The following ADGRL3 variants were observed in gnomAD, a reference collection of about 807,000 sequenced individuals.
ADGRL3 encodes adhesion G protein-coupled receptor L3.
A neutral mutation model predicts 153.5 loss-of-function variants in ADGRL3; 62 were observed. The ratio of observed to expected loss-of-function variants is 0.40; its 90% CI spans 0.33 to 0.50. The LOEUF is 0.50. Ranked by LOEUF, ADGRL3 falls within the 20% of genes least tolerant of loss-of-function variation. ADGRL3 has a pLI of 0.47. For synonymous variants in ADGRL3, 710 were observed against 672.5 expected (o/e 1.06, Z -0.86); for missense variants, 1,641 against 1,859.4 (o/e 0.88, Z 2.16).
At chr4:61,861,336 G>A (rs1040870842) in intron 9 of ADGRL3, among the ~76,000 whole-genome samples, 2 of 152,174 alleles carry the variant, frequency 1.3e-5, no homozygotes, top group Non-Finnish European at 2.9e-5. Context: ...ATTGATTTAT[G>A]GTAATACCTG....
rs1745631945 is a variant in ADGRL3 at position 62,071,440 on chromosome 4, A to G, written c.*532A>G. Reference sequence around the variant, plus strand: ...TAGCTGTGGAAAACAAAATAAAACAACAAAATTAATAATGAAATGGAGGGG... The same window carrying G: ...TAGCTGTGGAAAACAAAATAAAACAGCAAAATTAATAATGAAATGGAGGGG... On this transcript the variant is annotated 3_prime_UTR_variant, in exon 27 of 27. Coordinates refer to ENST00000683033, the MANE Select transcript of ADGRL3 (RefSeq NM_001387552.1). The G allele has an allele frequency of 5.8e-6, 1 of 171,130 alleles. No homozygotes were observed. The highest frequency in any genetic ancestry group is 2.4e-5 in the African/African-American group (1 of 41,562). 10.6% of individuals were successfully genotyped at this position (171,130 alleles called of 1,614,324 possible).
At chr4:61,342,799 A>G (rs1012455858) in intron 1 of ADGRL3, among the ~76,000 whole-genome samples, 3 of 152,220 alleles carry the variant, frequency 2.0e-5, no homozygotes, top group Non-Finnish European at 2.9e-5. Context: ...TGGCTTAACC[A>G]TCTCTAGTAG....
rs143220387 is a variant in ADGRL3, at chr4:61,822,052, G to A, written c.1480+8163G>A. ...GCAGGCCAGTTCTCTAATATTCTAC[G>A]ATGATGCTTTTCTAACTTATCTGAT... On this transcript the variant is annotated intron_variant, in intron 9 of 26. Transcript: ENST00000683033. Among the ~76,000 whole-genome samples the A allele has an allele frequency of 6.0e-3, 920 of 152,230 alleles. 10 individuals carry two copies. Among genetic ancestry groups the A allele is most frequent in the African/African-American group, 0.021 (860 of 41,558 alleles).
chr4:62,010,999 A>G (rs906816354), intron 21 of ADGRL3, among the ~76,000 whole-genome samples: 2 of 152,248 alleles, frequency 1.3e-5, no homozygotes, highest in South Asian at 2.1e-4. Flanking sequence ...CTCATGCGCT[A>G]TAGGTAAAAC....
chr4:61,421,231 G>T (rs1304045552), intron 2 of ADGRL3, among the ~76,000 whole-genome samples: 2 of 152,168 alleles, frequency 1.3e-5, no homozygotes, highest in African/African-American at 4.8e-5. Context: ...CTACTTGGGA[G>T]GCTGAGGCAG....
intron 1 of ADGRL3, among the ~76,000 whole-genome samples, chr4:61,323,045 C>A (rs2150796801): frequency 6.6e-6 from 1 of 152,362 alleles, no homozygotes; most frequent in Non-Finnish European, 1.5e-5. Flanking sequence ...GCTTCCCAAA[C>A]CTTAATTCTT....
At position 61,390,558 on chromosome 4, in the gene ADGRL3, T is replaced by C. The variant is rs150507324; in HGVS notation, c.-174+7369T>C. 1.4e-4 allele frequency among the ~76,000 whole-genome samples: 21 copies of C among 152,360 alleles called. No homozygotes were observed. The East Asian group carries it at 3.9e-3, about 28-fold the overall frequency. On this transcript the variant is annotated intron_variant, in intron 2 of 26. Coordinates refer to ENST00000683033, the MANE Select transcript of ADGRL3 (RefSeq NM_001387552.1). ...TTCATTGTTCTCTTTCAGTTGGCAATATACATTTAAATTTTTTGAGAACAT... is the reference window on the plus strand; with the variant it reads ...TTCATTGTTCTCTTTCAGTTGGCAACATACATTTAAATTTTTTGAGAACAT...
intron 2 of ADGRL3, among the ~76,000 whole-genome samples, chr4:61,412,991 A>G (rs2097105068): frequency 2.6e-5 from 4 of 152,156 alleles, no homozygotes; most frequent in Admixed American, 2.0e-4. Flanking sequence ...TTTTCAGTTG[A>G]AAACTGGATG....
chr4:61,319,628 A>G (rs1277755781), intron 1 of ADGRL3, among the ~76,000 whole-genome samples: 1 of 152,200 alleles, frequency 6.6e-6, no homozygotes, highest in Non-Finnish European at 1.5e-5. Context: ...TAAACTGAGA[A>G]TTAATGTATC....
intron 1 of ADGRL3, among the ~76,000 whole-genome samples, chr4:61,235,313 A>G (rs1752398022): frequency 6.6e-6 from 1 of 152,228 alleles, no homozygotes; most frequent in Non-Finnish European, 1.5e-5. Flanking sequence ...AGGGTTGAGA[A>G]CTAGTTGATT....
intron 22 of ADGRL3, among the ~76,000 whole-genome samples, chr4:62,030,307 AAGT>A (rs1285348384): frequency 4.3e-4 from 65 of 151,582 alleles, no homozygotes; most frequent in Non-Finnish European, 5.6e-4. Flanking sequence ...ATATCTTCCT[AAGT>A]CATTATAGTG....
rs371382597 is a variant in ADGRL3 at position 61,983,460 on chromosome 4, G to A, written c.3093G>A (p.Val1031=). ...TCACCTGGATGTTCCTGGAGGGGGTGCAGCTTTATATCATGCTGGTGGAGG... is the reference window on the plus strand; with the variant it reads ...TCACCTGGATGTTCCTGGAGGGGGTACAGCTTTATATCATGCTGGTGGAGG... ...AAFTWMFLEG[V]QLYIMLVEVF... is the part of the protein sequence containing the mutation. The change falls in exon 19 of 27, where the codon GTG becomes GTA. Residue 1031 remains valine (V), a synonymous_variant. Transcript: ENST00000683033. 17 of 1,613,828 alleles carry A rather than the reference G, an allele frequency of 1.1e-5. No individual in the cohort carries two copies. In the African/African-American group the frequency reaches 2.1e-4, roughly 20 times the overall value.
At position 62,077,897 on chromosome 4, in the gene ADGRL3, G is replaced by A. The variant is rs1747657266; in HGVS notation, c.*6989G>A. ...TATATTTTAATGCTGACCTTTGCCT[G>A]TGAACTAGAAAATCAAGATTTGTAG... is the stretch of plus-strand genomic sequence containing the variant. On this transcript the variant is annotated 3_prime_UTR_variant, in exon 27 of 27. Coordinates refer to ENST00000683033, the MANE Select transcript of ADGRL3 (RefSeq NM_001387552.1). 6.6e-6 allele frequency: 1 copy of A among 151,868 alleles called. No homozygotes were observed. Among genetic ancestry groups the A allele is most frequent in the Non-Finnish European group, 1.5e-5 (1 of 67,854 alleles). 9.4% of individuals were successfully genotyped at this position (151,868 alleles called of 1,614,324 possible). A position where few individuals can be genotyped will look rare whatever the true frequency, so the allele number is the denominator to read the frequency against.
intron 9 of ADGRL3, among the ~76,000 whole-genome samples, chr4:61,889,117 A>G (rs1294026204): frequency 6.6e-6 from 1 of 152,124 alleles, no homozygotes; most frequent in Non-Finnish European, 1.5e-5. Context: ...CTGAGAGCTC[A>G]TTTACTCCTA....
At chr4:61,994,247 A>G (rs777611213) in intron 19 of ADGRL3, among the ~76,000 whole-genome samples, 1 of 152,098 alleles carries the variant, frequency 6.6e-6, no homozygotes, top group African/African-American at 2.4e-5. Context: ...TCTTGGGCTC[A>G]AGCCATCCTT....
chr4:61,856,493 A>G (rs1175655449), intron 9 of ADGRL3, among the ~76,000 whole-genome samples: 2 of 63,092 alleles, frequency 3.2e-5, no homozygotes, highest in East Asian at 8.4e-4. Flanking sequence ...TTTCTCCCTC[A>G]CCTCCCCTCC....
chr4:62,007,437 TATAC>T (rs1217640496), intron 21 of ADGRL3, among the ~76,000 whole-genome samples: 1 of 130,066 alleles, frequency 7.7e-6, no homozygotes, highest in Non-Finnish European at 1.6e-5. Context: ...TATATATATA[TATAC>T]ACACACATAT....
chr4:61,314,591 A>G (rs558729385), intron 1 of ADGRL3, among the ~76,000 whole-genome samples: 1 of 152,332 alleles, frequency 6.6e-6, no homozygotes, highest in Middle Eastern at 3.4e-3. Flanking sequence ...TAAAGTCTTC[A>G]TCATCTTGCT....
At chr4:61,295,861 T>C (rs1213930746) in intron 1 of ADGRL3, among the ~76,000 whole-genome samples, 1 of 151,424 alleles carries the variant, frequency 6.6e-6, no homozygotes, top group Non-Finnish European at 1.5e-5. Flanking sequence ...TTGTCCTAGC[T>C]ACTTGGGAGG....
Sources: allele counts gnomAD v4.1 joint callset (sites outside exome capture counted in the v4.1 genomes callset), GRCh38; gene constraint gnomAD v4.1.1; transcripts MANE v1.5; gene names NCBI Gene and HGNC (gene_info 2026-07-23, HGNC 2026-07-21).